The following FCHSD2 variants were observed in gnomAD, a reference collection of about 807,000 sequenced individuals.
FCHSD2 encodes the protein F-BAR and double SH3 domains protein 2.
FCHSD2 carries 38 observed loss-of-function variants against 108.1 expected under a neutral mutation model. The ratio of observed to expected loss-of-function variants is 0.35; its 90% CI spans 0.27 to 0.46. The LOEUF is 0.46. FCHSD2 is among the 20% of genes least tolerant of loss of function. FCHSD2 has a pLI of 1.00. For missense variants in FCHSD2, 751 were observed against 897.8 expected, an observed-to-expected ratio of 0.84 and a Z score of 2.09; for synonymous variants, 279 against 314.7, an observed-to-expected ratio of 0.89 and a Z score of 1.20.
intron 3 of FCHSD2, among the ~76,000 whole-genome samples, chr11:73,022,960 C>G (rs1858143235): frequency 1.3e-5 from 2 of 152,120 alleles, no homozygotes; most frequent in South Asian, 4.1e-4. Flanking sequence ...TCTCAATCAA[C>G]AAGTGATGCT....
At chr11:73,044,521 G>A (rs1289790889) in intron 3 of FCHSD2, among the ~76,000 whole-genome samples, 1 of 152,114 alleles carries the variant, frequency 6.6e-6, no homozygotes, top group Non-Finnish European at 1.5e-5. Context: ...AGGCTGCAGC[G>A]AGCTATGATC....
intron 2 of FCHSD2, among the ~76,000 whole-genome samples, chr11:73,134,174 GAA>G (rs959637569): frequency 3.3e-5 from 5 of 151,780 alleles, no homozygotes; most frequent in African/African-American, 1.2e-4. Context: ...CTGAGACACT[GAA>G]AAAAAGTCTC....
At chr11:72,887,407 A>G (rs1051474161) in intron 12 of FCHSD2, 63 bp downstream of exon 12, 5 of 986,888 alleles carry the variant, frequency 5.1e-6, no homozygotes, top group Non-Finnish European at 4.8e-6. Flanking sequence ...TTAAAGATGT[A>G]TATCACAGCT....
At chr11:73,095,028 T>C (rs1051036308) in intron 2 of FCHSD2, among the ~76,000 whole-genome samples, 1 of 152,154 alleles carries the variant, frequency 6.6e-6, no homozygotes, top group African/African-American at 2.4e-5. Context: ...AATATAAAGA[T>C]GAATGAAACA....
chr11:73,116,684 C>A (rs765513656), intron 2 of FCHSD2, among the ~76,000 whole-genome samples: 5 of 152,104 alleles, frequency 3.3e-5, no homozygotes, highest in Non-Finnish European at 7.3e-5. Context: ...TACAGGCATA[C>A]ACCACCATGC....
chr11:72,981,766 A>C (rs1165960999), intron 8 of FCHSD2, among the ~76,000 whole-genome samples: 1 of 152,220 alleles, frequency 6.6e-6, no homozygotes, highest in Non-Finnish European at 1.5e-5. Context: ...TCTTAAGCCC[A>C]GGAGTTAAAG....
At chr11:73,004,886 C>T (rs930929125) in intron 4 of FCHSD2, among the ~76,000 whole-genome samples, 5 of 152,146 alleles carry the variant, frequency 3.3e-5, no homozygotes, top group African/African-American at 7.2e-5. Flanking sequence ...ACCTCTAATA[C>T]GACCACACTT....
intron 3 of FCHSD2, among the ~76,000 whole-genome samples, chr11:73,078,505 C>T (rs1042142993): frequency 1.3e-5 from 2 of 152,058 alleles, no homozygotes; most frequent in African/African-American, 4.8e-5. Flanking sequence ...TGAACTACTA[C>T]TACATGCAAC....
intron 12 of FCHSD2, among the ~76,000 whole-genome samples, chr11:72,874,666 T>C (rs903237359): frequency 6.6e-6 from 1 of 152,252 alleles, no homozygotes; most frequent in East Asian, 1.9e-4. Context: ...ATCCAGTTTT[T>C]ATAAGATTTT....
At chr11:72,907,598 G>GTTTTTTTTTTTTT (rs200788964) in intron 9 of FCHSD2, among the ~76,000 whole-genome samples, 1 of 72,714 alleles carries the variant, frequency 1.4e-5, no homozygotes, top group Non-Finnish European at 2.4e-5. Flanking sequence ...TAATCACGTG[G>GTTTTTTTTTTTTT]GTTTTTTTTT....
intron 8 of FCHSD2, among the ~76,000 whole-genome samples, chr11:72,955,696 C>G (rs1475928752): frequency 3.9e-5 from 6 of 152,152 alleles, no homozygotes; most frequent in Admixed American, 2.0e-4. Flanking sequence ...GTGTCAGACA[C>G]TCCTATCATT....
intron 3 of FCHSD2, among the ~76,000 whole-genome samples, chr11:73,057,880 C>CTTT (rs775650024): frequency 7.3e-6 from 1 of 137,174 alleles, no homozygotes; most frequent in African/African-American, 2.7e-5. Flanking sequence ...ATTCGGTATT[C>CTTT]TTTTTTTTTT....
chr11:72,962,855 A>G (rs527937884), intron 8 of FCHSD2, among the ~76,000 whole-genome samples: 2 of 152,304 alleles, frequency 1.3e-5, no homozygotes, highest in South Asian at 4.1e-4. Context: ...ACAAAAGTTA[A>G]ATATCTTGAT....
At chr11:72,957,714 G>A (rs557843444) in intron 8 of FCHSD2, among the ~76,000 whole-genome samples, 5 of 151,848 alleles carry the variant, frequency 3.3e-5, no homozygotes, top group African/African-American at 7.3e-5. Context: ...CTTGCATGGC[G>A]GATATAAATT....
rs1333090634 is a variant in FCHSD2, at chr11:72,940,881, A to T, written c.706-18931T>A. The stretch of plus-strand genomic sequence containing the variant: ...GGGTTGGTGAAGATTACACATACAA[A>T]TTTTTTGAGGTTATCCTCATTGATC... On this transcript the variant is annotated intron_variant, in intron 8 of 19. Transcript: ENST00000409418. 2.4e-5 allele frequency: 22 copies of T among 914,414 alleles called. No individual in the cohort carries two copies. The East Asian group carries it at 4.5e-4, about 19-fold the overall frequency. The allele number at this position is 914,414 out of a possible 1,614,324, so 56.6% of individuals were successfully genotyped here. A position where few individuals can be genotyped will look rare whatever the true frequency, so the allele number is the denominator to read the frequency against.
Position 73,139,189 on chromosome 11 carries a change from A to G in FCHSD2, c.119+842T>C, listed in dbSNP as rs959618990. Among the ~76,000 whole-genome samples the G allele has an allele frequency of 8.5e-5, 13 of 152,352 alleles. No homozygotes were observed. In the South Asian group the frequency reaches 1.4e-3, roughly 17 times the overall value. On this transcript the variant is annotated intron_variant, in intron 2 of 19. Transcript: ENST00000409418. Reference sequence around the variant, plus strand: ...CCAAACACATAATTTTATCATTAACACCAGAGTTAATATTTTTCATGAAAC... The same window carrying G: ...CCAAACACATAATTTTATCATTAACGCCAGAGTTAATATTTTTCATGAAAC...
intron 5 of FCHSD2, among the ~76,000 whole-genome samples, chr11:72,991,812 TG>T (rs1857421286): frequency 6.6e-6 from 1 of 152,188 alleles, no homozygotes; most frequent in Admixed American, 6.5e-5. Flanking sequence ...TCATACTGAA[TG>T]GGCAAAACCT....
At chr11:73,075,749 A>G (rs978503011) in intron 3 of FCHSD2, among the ~76,000 whole-genome samples, 5 of 152,018 alleles carry the variant, frequency 3.3e-5, no homozygotes, top group African/African-American at 4.8e-5. Flanking sequence ...CAGGGGGCAG[A>G]GTTTGCAGTG....
At chr11:73,093,057 T>G (rs1221019748) in intron 2 of FCHSD2, among the ~76,000 whole-genome samples, 5 of 152,174 alleles carry the variant, frequency 3.3e-5, no homozygotes, top group Admixed American at 1.3e-4. Flanking sequence ...GCCAGCCGCA[T>G]GAGTAGTAAT....
Sources: gnomAD v4.1 joint callset for allele counts (sites outside exome capture counted in the v4.1 genomes callset) on GRCh38, gnomAD v4.1.1 for gene constraint, MANE v1.5 for transcripts, NCBI Gene and HGNC (gene_info 2026-07-23, HGNC 2026-07-21) for gene names.